TNIP1: variants seen among roughly 807,000 people sequenced by gnomAD.
TNIP1 encodes the protein TNFAIP3 interacting protein 1, also known as TNFAIP3-interacting protein 1.
TNIP1 carries 22 observed loss-of-function variants against 86.6 expected under a neutral mutation model. That is an observed-to-expected ratio of 0.25 (90% CI 0.18 to 0.36). The LOEUF (loss-of-function observed/expected upper bound fraction) is 0.36, where lower values mean the gene tolerates loss of function less well. Among genes scored for constraint, TNIP1 ranks in the 10% least tolerant of loss-of-function variants. The pLI is 1.00. For missense variants in TNIP1, 709 were observed against 820.6 expected, an observed-to-expected ratio of 0.86 and a Z score of 1.66; for synonymous variants, 294 against 313.0, an observed-to-expected ratio of 0.94 and a Z score of 0.64.
upstream of TNIP1, chr5:151,087,625 A>G (rs950765325): frequency 1.3e-5 from 2 of 152,178 alleles, no homozygotes; most frequent in African/African-American, 4.8e-5. Context: ...TTCTCCATCC[A>G]TAGTGAAGAA....
chr5:151,049,749 T>C (rs1561837270), intron 8 of TNIP1, 75 bp downstream of exon 8: 13 of 1,560,612 alleles, frequency 8.3e-6, no homozygotes, highest in Non-Finnish European at 1.1e-5. Context: ...GGAGGCTCAC[T>C]GTCACTGGAG....
chr5:151,043,619 A>T (rs1758743101), intron 9 of TNIP1, among the ~76,000 whole-genome samples: 1 of 152,138 alleles, frequency 6.6e-6, no homozygotes, highest in Non-Finnish European at 1.5e-5. Context: ...TACAAAAAAT[A>T]CAAAATTTAG....
intron 12 of TNIP1, among the ~76,000 whole-genome samples, chr5:151,037,741 A>G (rs943312693): frequency 6.6e-6 from 1 of 152,174 alleles, no homozygotes; most frequent in South Asian, 2.1e-4. Flanking sequence ...CCAGGACAGC[A>G]TCGCCCATGG....
intron 9 of TNIP1, among the ~76,000 whole-genome samples, chr5:151,045,191 A>C (rs181110476): frequency 1.0e-3 from 156 of 152,154 alleles, no homozygotes; most frequent in African/African-American, 3.5e-3. Context: ...TCCCGGGTTC[A>C]AGTAATTCTC....
intron 3 of TNIP1, 108 bp downstream of exon 3, chr5:151,063,504 AG>A: frequency 7.4e-6 from 11 of 1,483,306 alleles, no homozygotes; most frequent in Non-Finnish European, 1.0e-5. Context: ...CTGTGACCTA[AG>A]GATAAACGAG....
chr5:151,059,866 TGCGCGCGCGC>T (rs72220408), intron 5 of TNIP1, among the ~76,000 whole-genome samples: 2,579 of 82,766 alleles, frequency 0.031, 71 homozygotes, highest in East Asian at 0.2. Flanking sequence ...TGTGTGTGTG[TGCGCGCGCGC>T]GCGCGCATGC....
chr5:151,053,200 C>T (rs1047148260), intron 6 of TNIP1, among the ~76,000 whole-genome samples: 1 of 150,428 alleles, frequency 6.6e-6, no homozygotes, highest in Non-Finnish European at 1.5e-5. Context: ...ACCTCCACCT[C>T]CCAGGTTCAA....
intron 1 of TNIP1, among the ~76,000 whole-genome samples, chr5:151,069,934 C>T (rs938273375): frequency 2.0e-5 from 3 of 152,196 alleles, no homozygotes. Context: ...AGAGAGCCAG[C>T]ACCATGGAAA....
chr5:151,071,171 C>A (rs1203224246), intron 1 of TNIP1, among the ~76,000 whole-genome samples: 1 of 152,142 alleles, frequency 6.6e-6, no homozygotes, highest in Non-Finnish European at 1.5e-5. Context: ...CTGTCAGGTT[C>A]ACACATGAGT....
intron 1 of TNIP1, among the ~76,000 whole-genome samples, chr5:151,065,736 T>C (rs1346665630): frequency 6.6e-6 from 1 of 152,180 alleles, no homozygotes; most frequent in Non-Finnish European, 1.5e-5. Context: ...ATGTGTATCA[T>C]CTTCTTTAAA....
intron 6 of TNIP1, among the ~76,000 whole-genome samples, chr5:151,055,221 A>G (rs1760499458): frequency 6.6e-6 from 1 of 152,054 alleles, no homozygotes; most frequent in Non-Finnish European, 1.5e-5. Flanking sequence ...TCTAGCAGAG[A>G]GTATAAGAAA....
At position 151,055,785 on chromosome 5, in the gene TNIP1, G is replaced by A. The variant is rs550864654; in HGVS notation, c.627+981C>T. The stretch of plus-strand genomic sequence containing the variant: ...CAGATCAGAGAATGGCCTGGGAGGA[G>A]AGTCTGCAGGGAGTAAGGAGGCTTC... On this transcript the variant is annotated intron_variant, in intron 6 of 17. Coordinates refer to ENST00000521591, the MANE Select transcript of TNIP1 (RefSeq NM_006058.5). Among the ~76,000 whole-genome samples, 4 of 152,360 alleles carry A rather than the reference G, an allele frequency of 2.6e-5. No homozygotes were observed. In the East Asian group the frequency reaches 5.8e-4, roughly 22 times the overall value.
upstream of TNIP1, chr5:151,081,139 G>T (rs1397322295): frequency 1.3e-5 from 2 of 152,140 alleles, no homozygotes; most frequent in East Asian, 3.9e-4. Context: ...GCGGCCGCCT[G>T]GGGTGGGACC....
At chr5:151,031,306 C>T (rs1190397658) in intron 17 of TNIP1, among the ~76,000 whole-genome samples, 4 of 152,354 alleles carry the variant, frequency 2.6e-5, no homozygotes, top group Non-Finnish European at 5.9e-5. Context: ...TTCTGCACAA[C>T]TGTGTCCCTT....
chr5:151,062,293 CA>C, intron 3 of TNIP1, 81 bp from the exon 4 acceptor site: 2 of 1,290,864 alleles, frequency 1.5e-6, no homozygotes, highest in East Asian at 2.3e-5. Context: ...CAGCCCTTGA[CA>C]AAAGGGTTCT....
chr5:151,038,066 C>T (rs1292809828), intron 12 of TNIP1, among the ~76,000 whole-genome samples: 1 of 152,230 alleles, frequency 6.6e-6, no homozygotes, highest in Non-Finnish European at 1.5e-5. Flanking sequence ...TGATCAGCAA[C>T]ATGGACAATT....
intron 5 of TNIP1, among the ~76,000 whole-genome samples, chr5:151,059,660 T>C (rs1761129544): frequency 6.6e-6 from 1 of 152,186 alleles, no homozygotes; most frequent in Non-Finnish European, 1.5e-5. Context: ...ACAATGGTTC[T>C]TCAATAAGTC....
intron 4 of TNIP1, among the ~76,000 whole-genome samples, chr5:151,060,886 C>T (rs13162693): frequency 0.022 from 3,283 of 152,336 alleles, 48 homozygotes; most frequent in South Asian, 0.058. Flanking sequence ...TAGGCCCAGA[C>T]GTCTCTGATC....
intron 6 of TNIP1, among the ~76,000 whole-genome samples, chr5:151,056,371 CA>C (rs1760655818): frequency 6.6e-6 from 1 of 151,826 alleles, no homozygotes; most frequent in African/African-American, 2.4e-5. Flanking sequence ...TGACCTTGGG[CA>C]AAAAAAGGGC....
Sources: gnomAD v4.1 joint callset for allele counts (sites outside exome capture counted in the v4.1 genomes callset) on GRCh38, gnomAD v4.1.1 for gene constraint, MANE v1.5 for transcripts, NCBI Gene and HGNC (gene_info 2026-07-23, HGNC 2026-07-21) for gene names.